GPC5: variants seen among roughly 807,000 people sequenced by gnomAD.
The protein encoded by GPC5 is glypican-5.
A neutral mutation model predicts 53.9 loss-of-function variants in GPC5; 47 were observed. The ratio of observed to expected loss-of-function variants is 0.87; its 90% CI spans 0.69 to 1.11. The LOEUF (loss-of-function observed/expected upper bound fraction) is 1.11. Among genes scored for constraint, GPC5 ranks in the 50% most tolerant of loss-of-function variants. GPC5 has a pLI of 0.00. For missense variants in GPC5, 748 were observed against 713.1 expected, an observed-to-expected ratio of 1.05 and a Z score of -0.56; for synonymous variants, 286 against 263.3, an observed-to-expected ratio of 1.09 and a Z score of -0.84.
intron 2 of GPC5, among the ~76,000 whole-genome samples, chr13:91,557,943 T>C (rs2031048303): frequency 6.6e-6 from 1 of 152,028 alleles, no homozygotes; most frequent in Non-Finnish European, 1.5e-5. Context: ...CAGAAAAACG[T>C]GGGATTGAGA....
At chr13:91,697,290 C>G (rs576243899) in intron 3 of GPC5, among the ~76,000 whole-genome samples, 1 of 152,108 alleles carries the variant, frequency 6.6e-6, no homozygotes, top group Admixed American at 6.5e-5. Flanking sequence ...CTACAGGTGC[C>G]TGCCACCATG....
chr13:92,788,888 C>T (rs932850296), intron 7 of GPC5, among the ~76,000 whole-genome samples: 4 of 152,100 alleles, frequency 2.6e-5, no homozygotes, highest in Non-Finnish European at 4.4e-5. Flanking sequence ...ACTAGGCCAA[C>T]GGGTTTCCCC....
intron 7 of GPC5, among the ~76,000 whole-genome samples, chr13:92,363,786 G>A (rs906620495): frequency 6.6e-6 from 1 of 151,706 alleles, no homozygotes; most frequent in Non-Finnish European, 1.5e-5. Context: ...TAAAAATCCA[G>A]CAATGAACAA....
chr13:92,741,404 A>T (rs1889089745), intron 7 of GPC5, among the ~76,000 whole-genome samples: 1 of 151,918 alleles, frequency 6.6e-6, no homozygotes. Context: ...GAGAGTCCCC[A>T]TGAACAAGGA....
intron 6 of GPC5, among the ~76,000 whole-genome samples, chr13:92,128,224 T>C (rs147361158): frequency 1.3e-4 from 20 of 152,320 alleles, no homozygotes; most frequent in African/African-American, 4.6e-4. Context: ...CTCCCTCTGC[T>C]AACCTGAGCC....
intron 6 of GPC5, among the ~76,000 whole-genome samples, chr13:91,967,927 C>G (rs1488842544): frequency 6.6e-6 from 1 of 151,530 alleles, no homozygotes; most frequent in Non-Finnish European, 1.5e-5. Flanking sequence ...TAATGGAATT[C>G]AATATTTTTA....
chr13:91,970,309 T>C (rs1046825346), intron 6 of GPC5, among the ~76,000 whole-genome samples: 6 of 152,148 alleles, frequency 3.9e-5, no homozygotes, highest in South Asian at 2.1e-4. Context: ...TGGGGAGATA[T>C]TGGCAAAAAG....
chr13:91,544,845 A>G (rs539791158), intron 2 of GPC5, among the ~76,000 whole-genome samples: 5 of 152,144 alleles, frequency 3.3e-5, no homozygotes, highest in Non-Finnish European at 7.4e-5. Flanking sequence ...CTGGTATCTC[A>G]CAAGCTTGAG....
At chr13:92,111,472 A>C (rs1379270325) in intron 6 of GPC5, among the ~76,000 whole-genome samples, 1 of 152,140 alleles carries the variant, frequency 6.6e-6, no homozygotes, top group Non-Finnish European at 1.5e-5. Context: ...AGATTCTGTA[A>C]ATTGGAGAAT....
chr13:92,483,024 C>T (rs1240180670), intron 7 of GPC5, among the ~76,000 whole-genome samples: 1 of 152,136 alleles, frequency 6.6e-6, no homozygotes, highest in Non-Finnish European at 1.5e-5. Context: ...GCAGGAGAAG[C>T]TTGTGCAGGG....
intron 7 of GPC5, among the ~76,000 whole-genome samples, chr13:92,551,317 G>A (rs900611772): frequency 2.7e-5 from 4 of 150,122 alleles, no homozygotes; most frequent in African/African-American, 7.3e-5. Flanking sequence ...AAAAGAGAGC[G>A]AAAATAATTA....
chr13:91,733,804 C>G (rs545653114), intron 4 of GPC5, among the ~76,000 whole-genome samples: 1 of 152,216 alleles, frequency 6.6e-6, no homozygotes, highest in Admixed American at 6.5e-5. Flanking sequence ...GTCTTCCCAT[C>G]TGAATACCCT....
chr13:92,619,589 C>T, intron 7 of GPC5, among the ~76,000 whole-genome samples: 1 of 151,946 alleles, frequency 6.6e-6, no homozygotes, highest in Non-Finnish European at 1.5e-5. Flanking sequence ...TTTGATAGTA[C>T]AGATTAACCA....
chr13:92,139,463 C>T (rs925444995), intron 6 of GPC5, among the ~76,000 whole-genome samples: 20 of 152,002 alleles, frequency 1.3e-4, no homozygotes, highest in East Asian at 1.9e-4. Flanking sequence ...GTCAGGAGAT[C>T]GAGACCATCC....
At chr13:92,471,570 T>A (rs566105858) in intron 7 of GPC5, among the ~76,000 whole-genome samples, 2 of 152,030 alleles carry the variant, frequency 1.3e-5, no homozygotes, top group Non-Finnish European at 2.9e-5. Flanking sequence ...GAAAACTTAG[T>A]TAATTAGCTG....
intron 7 of GPC5, among the ~76,000 whole-genome samples, chr13:92,612,798 T>C (rs535733929): frequency 6.6e-6 from 1 of 152,270 alleles, no homozygotes; most frequent in African/African-American, 2.4e-5. Flanking sequence ...ACAAAAATGA[T>C]ACTCAAATAA....
intron 7 of GPC5, chr13:92,241,035 A>G (rs1171455693): frequency 6.6e-6 from 1 of 152,144 alleles, no homozygotes; most frequent in Non-Finnish European, 1.5e-5. Flanking sequence ...TTTGCCCAGA[A>G]CCAAGTTTAT....
At chr13:91,972,732 G>C (rs1378843707) in intron 6 of GPC5, among the ~76,000 whole-genome samples, 1 of 149,750 alleles carries the variant, frequency 6.7e-6, no homozygotes, top group South Asian at 2.1e-4. Flanking sequence ...GTTAAGCTTA[G>C]TTTGGCTGGA....
intron 3 of GPC5, among the ~76,000 whole-genome samples, chr13:91,708,265 T>C (rs1340070470): frequency 2.0e-5 from 3 of 151,724 alleles, no homozygotes; most frequent in African/African-American, 7.3e-5. Flanking sequence ...TTTACGTTTT[T>C]TGTTTTTGTT....
Sources: gnomAD v4.1 joint callset for allele counts (sites outside exome capture counted in the v4.1 genomes callset) on GRCh38, gnomAD v4.1.1 for gene constraint, MANE v1.5 for transcripts, NCBI Gene and HGNC (gene_info 2026-07-23, HGNC 2026-07-21) for gene names.